Variants in RANBP2 observed in about 807,000 individuals in gnomAD.
The protein encoded by RANBP2 is RAN binding protein 2.
Under a neutral mutation model 303.6 loss-of-function variants are expected in RANBP2, and 57 were observed. The ratio of observed to expected loss-of-function variants is 0.19; its 90% CI spans 0.15 to 0.23. The LOEUF is 0.23. RANBP2 is among the 10% of genes least tolerant of loss of function. The pLI, the probability that RANBP2 is intolerant of heterozygous loss-of-function variation, is 1.00. For synonymous variants in RANBP2, 1,167 were observed against 1,301.5 expected, an observed-to-expected ratio of 0.90 and a Z score of 2.23; for missense variants, 3,138 against 3,780.8, an observed-to-expected ratio of 0.83 and a Z score of 4.46.
chr2:108,843,340 T>G, the RANBP2 span, among the ~76,000 whole-genome samples: 5 of 152,126 alleles, frequency 3.3e-5, no homozygotes, highest in Non-Finnish European at 5.9e-5. Flanking sequence ...GTATTTTTAG[T>G]AGAGATGGGG....
At chr2:109,231,673 T>A in the RANBP2 span, among the ~76,000 whole-genome samples, 6 of 152,236 alleles carry the variant, frequency 3.9e-5, no homozygotes, top group Non-Finnish European at 5.9e-5. Context: ...TTAGCCTAAG[T>A]AAAAATATAA....
the RANBP2 span, chr2:109,544,250 G>GT: frequency 4.3e-3 from 6,900 of 1,589,864 alleles, 20 homozygotes; most frequent in Middle Eastern, 0.023. Flanking sequence ...CACACTTCTA[G>GT]TTTTTTTTTA....
At chr2:108,779,778 C>T (rs1336061045) in intron 25 of RANBP2, among the ~76,000 whole-genome samples, 1 of 152,142 alleles carries the variant, frequency 6.6e-6, no homozygotes, top group Admixed American at 6.5e-5. Flanking sequence ...TTCCCCCATA[C>T]AGAAGTAGGA....
chr2:109,360,552 A>G, the RANBP2 span, among the ~76,000 whole-genome samples: 3 of 152,254 alleles, frequency 2.0e-5, no homozygotes, highest in African/African-American at 7.2e-5. Flanking sequence ...TGTATATGCA[A>G]ATATTCCAAA....
At chr2:109,702,543 A>C in the RANBP2 span, among the ~76,000 whole-genome samples, 1 of 152,194 alleles carries the variant, frequency 6.6e-6, no homozygotes, top group Non-Finnish European at 1.5e-5. Flanking sequence ...TGGTCTGGGC[A>C]CCACCCTGTC....
chr2:109,469,841 G>A, the RANBP2 span, among the ~76,000 whole-genome samples: 1 of 152,222 alleles, frequency 6.6e-6, no homozygotes, highest in African/African-American at 2.4e-5. Context: ...CGTTGGTTAT[G>A]TGTGCAGCTT....
chr2:108,740,285 G>T (rs536337980), intron 6 of RANBP2, among the ~76,000 whole-genome samples: 28 of 152,226 alleles, frequency 1.8e-4, no homozygotes, highest in African/African-American at 6.0e-4. Context: ...CATTTGAGAG[G>T]TTAAGCATGA....
the RANBP2 span, among the ~76,000 whole-genome samples, chr2:108,999,098 G>C: frequency 6.6e-6 from 1 of 152,234 alleles, no homozygotes; most frequent in Non-Finnish European, 1.5e-5. Flanking sequence ...ATTATTGTAA[G>C]TATGTGAAAT....
the RANBP2 span, among the ~76,000 whole-genome samples, chr2:108,927,178 C>T: frequency 4.1e-3 from 617 of 152,296 alleles, 10 homozygotes; most frequent in African/African-American, 0.014. Context: ...CTCTGAGGCA[C>T]GTGCTGAGGG....
At chr2:108,967,311 A>G in the RANBP2 span, among the ~76,000 whole-genome samples, 1 of 152,192 alleles carries the variant, frequency 6.6e-6, no homozygotes, top group Non-Finnish European at 1.5e-5. Context: ...CAGGAAAAAA[A>G]CATGAAGAAT....
chr2:108,848,914 TATG>T, the RANBP2 span, among the ~76,000 whole-genome samples: 1 of 152,222 alleles, frequency 6.6e-6, no homozygotes, highest in East Asian at 1.9e-4. Flanking sequence ...TCTTAAATCA[TATG>T]ATACAGATGA....
the RANBP2 span, among the ~76,000 whole-genome samples, chr2:109,569,645 G>A: frequency 6.6e-6 from 1 of 151,984 alleles, no homozygotes; most frequent in Non-Finnish European, 1.5e-5. Context: ...ATTAGTCAAA[G>A]TACATAAACA....
At chr2:109,254,378 A>G in the RANBP2 span, among the ~76,000 whole-genome samples, 11 of 152,082 alleles carry the variant, frequency 7.2e-5, no homozygotes, top group Admixed American at 7.2e-4. Context: ...CAGTTTCCCC[A>G]TCTGTAAAAT....
chr2:109,429,402 C>T, the RANBP2 span, among the ~76,000 whole-genome samples: 18 of 152,250 alleles, frequency 1.2e-4, no homozygotes, highest in African/African-American at 2.4e-4. Flanking sequence ...ACCTAGAGGC[C>T]GAACTTAAAA....
chr2:109,235,819 G>A, the RANBP2 span, among the ~76,000 whole-genome samples: 1 of 152,214 alleles, frequency 6.6e-6, no homozygotes, highest in Non-Finnish European at 1.5e-5. Context: ...CTCGGCACCA[G>A]GGTGGGCCTC....
the RANBP2 span, among the ~76,000 whole-genome samples, chr2:109,521,360 T>A: frequency 1.3e-5 from 2 of 152,148 alleles, no homozygotes; most frequent in Admixed American, 1.3e-4. Context: ...GGTGGCCAAG[T>A]CACCCGAGTG....
the RANBP2 span, among the ~76,000 whole-genome samples, chr2:109,041,767 C>T: frequency 1.3e-5 from 2 of 148,710 alleles, no homozygotes; most frequent in African/African-American, 5.0e-5. Flanking sequence ...TCTCGAACTC[C>T]AGACCTCAAA....
At chr2:109,486,818 C>G in the RANBP2 span, among the ~76,000 whole-genome samples, 1 of 152,170 alleles carries the variant, frequency 6.6e-6, no homozygotes, top group Non-Finnish European at 1.5e-5. Flanking sequence ...GACAGCAGCC[C>G]ATCACTTCCA....
chr2:109,467,762 G>A, the RANBP2 span, among the ~76,000 whole-genome samples: 3 of 152,302 alleles, frequency 2.0e-5, no homozygotes, highest in Middle Eastern at 3.4e-3. Context: ...ATCCCACTGG[G>A]CACCTTTTGC....
Sources: allele counts gnomAD v4.1 joint callset (sites outside exome capture counted in the v4.1 genomes callset), GRCh38; gene constraint gnomAD v4.1.1; transcripts MANE v1.5; gene names NCBI Gene and HGNC (gene_info 2026-07-23, HGNC 2026-07-21).